SAMD4A: variants seen among roughly 807,000 people sequenced by gnomAD.
SAMD4A encodes the protein protein Smaug homolog 1.
A neutral mutation model predicts 81.3 loss-of-function variants in SAMD4A; 33 were observed. That is an observed-to-expected ratio of 0.41 (90% CI 0.31 to 0.54). The LOEUF is 0.54. Ranked by LOEUF, SAMD4A falls within the 20% of genes least tolerant of loss-of-function variation. The probability of loss-of-function intolerance (pLI) is 0.37; values close to 1 mark genes in which losing one functional copy is unlikely to be tolerated. For synonymous variants in SAMD4A, 389 were observed against 382.1 expected (o/e 1.02, Z -0.21); for missense variants, 854 against 951.1 (o/e 0.90, Z 1.34).
At chr14:54,612,914 C>A (rs544187352) in intron 2 of SAMD4A, among the ~76,000 whole-genome samples, 7 of 152,034 alleles carry the variant, frequency 4.6e-5, no homozygotes, top group Non-Finnish European at 8.8e-5. Context: ...GTCAAGAGAT[C>A]AAGACCATCC....
In SAMD4A at chr14:54,702,375, T is replaced by C. The variant is rs1288303682; in HGVS notation, c.510T>C (p.Asp170=). Reference sequence around the variant, plus strand: ...ACCGAGGCCGCTCAGACTCTGTGGATTATGGACAGACACACTACTATCACC... The same window carrying C: ...ACCGAGGCCGCTCAGACTCTGTGGACTATGGACAGACACACTACTATCACC... ...GQNRGRSDSV[D]YGQTHYYHQR... Residue 170 remains aspartate (D), a synonymous_variant, in exon 3 of 13, where the codon GAT becomes GAC. Coordinates refer to ENST00000554335, the MANE Select transcript of SAMD4A (RefSeq NM_015589.6). The C allele has an allele frequency of 1.2e-6, 2 of 1,614,024 alleles. No individual in the cohort carries two copies. Among genetic ancestry groups the C allele is most frequent in the African/African-American group, 1.3e-5 (1 of 74,922 alleles).
intron 2 of SAMD4A, among the ~76,000 whole-genome samples, chr14:54,580,504 C>T (rs1228062907): frequency 6.6e-6 from 1 of 152,218 alleles, no homozygotes. Flanking sequence ...CTTGGCTACT[C>T]TGGAGTTGCC....
At chr14:54,766,418 A>G (rs960599457) in intron 8 of SAMD4A, among the ~76,000 whole-genome samples, 1 of 152,184 alleles carries the variant, frequency 6.6e-6, no homozygotes, top group African/African-American at 2.4e-5. Flanking sequence ...CACAGCCATG[A>G]TGAGAAAGCC....
intron 2 of SAMD4A, among the ~76,000 whole-genome samples, chr14:54,626,196 C>T (rs1483176257): frequency 6.6e-6 from 1 of 152,102 alleles, no homozygotes; most frequent in Non-Finnish European, 1.5e-5. Context: ...TGTTTTAGCA[C>T]CAGTTACAGG....
intron 2 of SAMD4A, among the ~76,000 whole-genome samples, chr14:54,648,170 T>C (rs2035324989): frequency 6.6e-6 from 1 of 152,196 alleles, no homozygotes; most frequent in African/African-American, 2.4e-5. Flanking sequence ...ACAGAAACTT[T>C]TGTGAGACTT....
At chr14:54,699,174 A>G (rs1180273338) in intron 2 of SAMD4A, among the ~76,000 whole-genome samples, 2 of 152,192 alleles carry the variant, frequency 1.3e-5, no homozygotes, top group Non-Finnish European at 2.9e-5. Flanking sequence ...CTTGGGCTTA[A>G]TGAATAGATT....
chr14:54,719,670 G>A (rs941261625), intron 3 of SAMD4A, among the ~76,000 whole-genome samples: 4 of 152,288 alleles, frequency 2.6e-5, no homozygotes, highest in Non-Finnish European at 2.9e-5. Flanking sequence ...ACATGGTGGC[G>A]TGAGACTGAC....
chr14:54,686,421 A>G (rs1425497395), intron 2 of SAMD4A, among the ~76,000 whole-genome samples: 1 of 152,202 alleles, frequency 6.6e-6, no homozygotes, highest in East Asian at 1.9e-4. Flanking sequence ...GCGTCATATA[A>G]CAGTGAATTC....
intron 2 of SAMD4A, among the ~76,000 whole-genome samples, chr14:54,681,042 C>T (rs1040641221): frequency 3.3e-5 from 5 of 152,314 alleles, no homozygotes; most frequent in East Asian, 1.9e-4. Flanking sequence ...GAACCAAGAA[C>T]GTAAGTGAAA....
chr14:54,728,759 AGAAAG>A (rs1176076075), intron 3 of SAMD4A, among the ~76,000 whole-genome samples: 1 of 152,194 alleles, frequency 6.6e-6, no homozygotes, highest in Non-Finnish European at 1.5e-5. Flanking sequence ...TCCTGAAACT[AGAAAG>A]AAAAGAAAAA....
intron 2 of SAMD4A, chr14:54,694,971 G>A (rs931769057): frequency 4.1e-6 from 4 of 963,882 alleles, no homozygotes; most frequent in Non-Finnish European, 4.9e-6. Context: ...GAGGTACCTG[G>A]TTCTTGCCTT....
At chr14:54,725,138 CCAGACACGTAATAGGTTCT>C (rs1273816952) in intron 3 of SAMD4A, among the ~76,000 whole-genome samples, 1 of 152,146 alleles carries the variant, frequency 6.6e-6, no homozygotes, top group Non-Finnish European at 1.5e-5. Context: ...CCAATGTTAC[CCAGACACGTAATAGGTTCT>C]CAGCCTGAAT....
chr14:54,604,064 C>G (rs185290887), intron 2 of SAMD4A, among the ~76,000 whole-genome samples: 6 of 152,238 alleles, frequency 3.9e-5, no homozygotes, highest in Admixed American at 2.0e-4. Flanking sequence ...ACCTCATGAT[C>G]CACCCACCTC....
chr14:54,700,992 A>ATTTTTTTTTTTTTTTTTTTTTTTTTT (rs1555344776), intron 2 of SAMD4A: 1 of 121,654 alleles, frequency 8.2e-6, no homozygotes. Context: ...TGAAACGGTG[A>ATTTTTTTTTTTTTTTTTTTTTTTTTT]ATTTTTTTTT....
At chr14:54,624,291 A>G (rs990283078) in intron 2 of SAMD4A, among the ~76,000 whole-genome samples, 4 of 152,204 alleles carry the variant, frequency 2.6e-5, no homozygotes, top group South Asian at 2.1e-4. Context: ...TTTAATTTCT[A>G]TTATGCCCTC....
intron 2 of SAMD4A, among the ~76,000 whole-genome samples, chr14:54,613,532 T>C (rs1233437069): frequency 6.6e-6 from 1 of 152,224 alleles, no homozygotes; most frequent in Non-Finnish European, 1.5e-5. Flanking sequence ...TGAGCCATTA[T>C]GGTGCAACCT....
chr14:54,656,549 T>C (rs1366207000), intron 2 of SAMD4A, among the ~76,000 whole-genome samples: 2 of 151,984 alleles, frequency 1.3e-5, no homozygotes, highest in Admixed American at 1.3e-4. Context: ...GATGCCGAGA[T>C]ACTTACACAG....
chr14:54,674,229 A>G (rs765309525), intron 2 of SAMD4A, among the ~76,000 whole-genome samples: 1 of 152,236 alleles, frequency 6.6e-6, no homozygotes, highest in Non-Finnish European at 1.5e-5. Context: ...CAGTAAATAT[A>G]TTCAGTGGCA....
chr14:54,655,289 C>T (rs2035494356), intron 2 of SAMD4A, among the ~76,000 whole-genome samples: 1 of 152,282 alleles, frequency 6.6e-6, no homozygotes, highest in Non-Finnish European at 1.5e-5. Context: ...GTGGCAATTA[C>T]GGCACACACT....
Sources: gnomAD v4.1 joint callset for allele counts (sites outside exome capture counted in the v4.1 genomes callset) on GRCh38, gnomAD v4.1.1 for gene constraint, MANE v1.5 for transcripts, NCBI Gene and HGNC (gene_info 2026-07-23, HGNC 2026-07-21) for gene names.